Variants in SHOC2 observed in about 807,000 individuals in gnomAD.
SHOC2 encodes the protein SHOC2 leucine rich repeat scaffold protein, also known as leucine-rich repeat protein SHOC-2.
Under a neutral mutation model 50.2 loss-of-function variants are expected in SHOC2, and 4 were observed. The ratio of observed to expected loss-of-function variants is 0.08; its 90% CI spans 0.04 to 0.18. The LOEUF is 0.18. SHOC2 is among the 10% of genes least tolerant of loss of function. SHOC2 has a pLI of 1.00. For synonymous variants in SHOC2, 218 were observed against 244.5 expected, an observed-to-expected ratio of 0.89 and a Z score of 1.01; for missense variants, 388 against 669.6, an observed-to-expected ratio of 0.58 and a Z score of 4.64.
intron 1 of SHOC2, among the ~76,000 whole-genome samples, chr10:110,940,463 A>T (rs1180112123): frequency 6.6e-6 from 1 of 152,228 alleles, no homozygotes; most frequent in Non-Finnish European, 1.5e-5. Flanking sequence ...AATAGTGTAT[A>T]TTAAAAATGT....
At chr10:110,958,845 C>T (rs1248059760) in intron 1 of SHOC2, among the ~76,000 whole-genome samples, 1 of 152,062 alleles carries the variant, frequency 6.6e-6, no homozygotes, top group Non-Finnish European at 1.5e-5. Context: ...TCCCCAACTG[C>T]TTTCTGTTTC....
At chr10:110,947,738 A>G (rs1402033125) in intron 1 of SHOC2, among the ~76,000 whole-genome samples, 1 of 151,876 alleles carries the variant, frequency 6.6e-6, no homozygotes, top group Non-Finnish European at 1.5e-5. Context: ...GTAAATACAC[A>G]AAAGATAAAG....
chr10:111,010,397 G>A (rs1848544920), intron 8 of SHOC2, among the ~76,000 whole-genome samples: 1 of 152,096 alleles, frequency 6.6e-6, no homozygotes, highest in African/African-American at 2.4e-5. Flanking sequence ...ATGCATTAAT[G>A]TTTTCCCATC....
At chr10:110,952,100 C>G (rs1366239369) in intron 1 of SHOC2, among the ~76,000 whole-genome samples, 2 of 151,698 alleles carry the variant, frequency 1.3e-5, no homozygotes, top group Non-Finnish European at 2.9e-5. Flanking sequence ...CTCTTTCACA[C>G]TAGTTAACCT....
At chr10:110,960,938 A>G (rs1181730599) in intron 1 of SHOC2, among the ~76,000 whole-genome samples, 2 of 152,100 alleles carry the variant, frequency 1.3e-5, no homozygotes, top group Non-Finnish European at 2.9e-5. Context: ...CAGCCTCCCA[A>G]AGTGCTAGGA....
chr10:110,923,233 A>G (rs1428660435), intron 1 of SHOC2, among the ~76,000 whole-genome samples: 3 of 152,070 alleles, frequency 2.0e-5, no homozygotes. Flanking sequence ...AAATCTGAAT[A>G]ATTTCTGAAT....
intron 5 of SHOC2, among the ~76,000 whole-genome samples, chr10:111,006,515 C>T (rs989877698): frequency 1.3e-5 from 2 of 151,652 alleles, no homozygotes; most frequent in East Asian, 1.9e-4. Flanking sequence ...GGACTACAGG[C>T]GCCCGCCACT....
chr10:110,981,876 T>TATTAATTATACTC (rs1554859803), intron 2 of SHOC2, among the ~76,000 whole-genome samples: 97 of 135,476 alleles, frequency 7.2e-4, no homozygotes, highest in African/African-American at 2.5e-3. Context: ...ATTTATTTTT[T>TATTAATTATACTC]TAAGTTTTAG....
intron 1 of SHOC2, among the ~76,000 whole-genome samples, chr10:110,955,844 T>C (rs1322967581): frequency 6.6e-6 from 1 of 152,188 alleles, no homozygotes; most frequent in Non-Finnish European, 1.5e-5. Context: ...CATTCAACAC[T>C]GAACAAAGTT....
intron 2 of SHOC2, among the ~76,000 whole-genome samples, chr10:110,975,114 G>A (rs1292695809): frequency 6.6e-6 from 1 of 150,554 alleles, no homozygotes; most frequent in Non-Finnish European, 1.5e-5. Context: ...AATTTCATCA[G>A]TTTTTCCACT....
chr10:110,926,828 TAATGAGG>T (rs1846785869), intron 1 of SHOC2, among the ~76,000 whole-genome samples: 1 of 152,176 alleles, frequency 6.6e-6, no homozygotes, highest in Admixed American at 6.5e-5. Context: ...AAGGTTTGCT[TAATGAGG>T]TAAAATATAG....
intron 1 of SHOC2, among the ~76,000 whole-genome samples, chr10:110,950,743 T>G (rs182715610): frequency 1.0e-3 from 152 of 152,288 alleles, no homozygotes; most frequent in African/African-American, 3.5e-3. Flanking sequence ...ACAAAGATGT[T>G]AAGAACACAG....
At chr10:110,973,866 A>C (rs554656521) in intron 2 of SHOC2, among the ~76,000 whole-genome samples, 1 of 149,112 alleles carries the variant, frequency 6.7e-6, no homozygotes, top group East Asian at 1.9e-4. Flanking sequence ...TTAATGTTCC[A>C]TATATATATA....
At chr10:110,996,997 G>C (rs1848280275) in intron 3 of SHOC2, among the ~76,000 whole-genome samples, 1 of 152,130 alleles carries the variant, frequency 6.6e-6, no homozygotes. Flanking sequence ...AGGAAACTAG[G>C]AATTCTAAAA....
At position 111,004,805 on chromosome 10, in the gene SHOC2, A is replaced by G. The variant is rs1196688817; in HGVS notation, c.1161+11A>G. 1 of 1,562,584 alleles carries G rather than the reference A, an allele frequency of 6.4e-7. No homozygotes were observed. The highest frequency in any genetic ancestry group is 2.2e-5 in the East Asian group (1 of 44,606). ...AAGCTGAATATGAAGGTAAGCATAT[A>G]TTTGTTTACTAGGGAAAGGAATTGC... On this transcript the variant is annotated intron_variant, in intron 5 of 8. Coordinates refer to ENST00000369452, the MANE Select transcript of SHOC2 (RefSeq NM_007373.4).
chr10:110,953,001 A>G (rs1847385465), intron 1 of SHOC2, among the ~76,000 whole-genome samples: 1 of 152,178 alleles, frequency 6.6e-6, no homozygotes. Context: ...TGTCTTTGCT[A>G]TTGTAAATAG....
chr10:110,992,442 G>A (rs1186348355), intron 3 of SHOC2, among the ~76,000 whole-genome samples: 1 of 152,158 alleles, frequency 6.6e-6, no homozygotes, highest in African/African-American at 2.4e-5. Context: ...TTTAAAGTAT[G>A]AACCTGATGT....
chr10:111,011,825 TCTG>T lies in SHOC2; in HGVS notation c.*11_*13del. 1 of 1,607,552 alleles carries T rather than the reference TCTG, an allele frequency of 6.2e-7. No individual in the cohort carries two copies. Among genetic ancestry groups the T allele is most frequent in the Non-Finnish European group, 8.5e-7 (1 of 1,174,030 alleles). On this transcript the variant is annotated 3_prime_UTR_variant, in exon 9 of 9. Transcript: ENST00000369452. ...ATATCGTGCCATGGTCTGATATAAA[TCTG>T]CTGGTCCCACACACTGTTCAAAAAT...
intron 4 of SHOC2, among the ~76,000 whole-genome samples, chr10:111,002,504 A>C (rs1848396730): frequency 6.6e-6 from 1 of 152,318 alleles, no homozygotes; most frequent in East Asian, 1.9e-4. Context: ...AGGAACTAAT[A>C]ATTTGAACCA....
Sources: gnomAD v4.1 joint callset for allele counts (sites outside exome capture counted in the v4.1 genomes callset) on GRCh38, gnomAD v4.1.1 for gene constraint, MANE v1.5 for transcripts, NCBI Gene and HGNC (gene_info 2026-07-23, HGNC 2026-07-21) for gene names.